MCTP1: variants seen among roughly 807,000 people sequenced by gnomAD.
MCTP1 encodes the protein multiple C2 and transmembrane domain-containing protein 1.
In MCTP1, 69 loss-of-function variants were observed where a neutral mutation model predicts 120.6. That is an observed-to-expected ratio of 0.57 (90% CI 0.47 to 0.70). MCTP1 has a LOEUF of 0.70. Among genes scored for constraint, MCTP1 ranks in the 30% least tolerant of loss-of-function variants. The probability of loss-of-function intolerance (pLI) is 0.00; values close to 1 mark genes in which losing one functional copy is unlikely to be tolerated. For missense variants in MCTP1, 1,203 were observed against 1,248.8 expected (o/e 0.96, Z 0.55); for synonymous variants, 529 against 493.1 (o/e 1.07, Z -0.96).
intron 1 of MCTP1, among the ~76,000 whole-genome samples, chr5:95,140,194 T>A (rs1481561247): frequency 6.6e-6 from 1 of 152,174 alleles, no homozygotes; most frequent in African/African-American, 2.4e-5. Context: ...TTCAAAAAAA[T>A]TTATATTTGC....
At chr5:94,899,214 T>A (rs1036420296) in intron 10 of MCTP1, among the ~76,000 whole-genome samples, 1 of 152,260 alleles carries the variant, frequency 6.6e-6, no homozygotes, top group African/African-American at 2.4e-5. Flanking sequence ...TTTATACTGA[T>A]GGTTCTATAT....
chr5:95,073,221 A>C, intron 1 of MCTP1, among the ~76,000 whole-genome samples: 1 of 152,110 alleles, frequency 6.6e-6, no homozygotes, highest in Non-Finnish European at 1.5e-5. Flanking sequence ...AGTCTTGGGC[A>C]TAGGAGAGAC....
rs1051859839 is a variant in MCTP1 at position 94,707,237 on chromosome 5, T to C, written c.*259A>G. The C allele has an allele frequency of 5.8e-6, 2 of 342,488 alleles. No individual in the cohort carries two copies. 21.2% of individuals were successfully genotyped at this position (342,488 alleles called of 1,614,324 possible). On this transcript the variant is annotated 3_prime_UTR_variant, in exon 23 of 23. Transcript: ENST00000515393. The stretch of plus-strand genomic sequence containing the variant: ...CCAGTGTTATCATTCTTATATTTGT[T>C]CTTTCAGTGTGTTATATTATTATCC...
intron 18 of MCTP1, among the ~76,000 whole-genome samples, chr5:94,791,539 A>G (rs1216874579): frequency 5.3e-5 from 8 of 151,506 alleles, no homozygotes; most frequent in Admixed American, 3.3e-4. Context: ...AAAATTGTAT[A>G]GAAATTAAAA....
At chr5:95,133,138 G>A (rs767154576) in intron 1 of MCTP1, among the ~76,000 whole-genome samples, 6 of 152,100 alleles carry the variant, frequency 3.9e-5, no homozygotes, top group Non-Finnish European at 8.8e-5. Context: ...TTTTATGGGA[G>A]ACAATATAAA....
intron 1 of MCTP1, among the ~76,000 whole-genome samples, chr5:95,143,861 A>T (rs750008361): frequency 3.9e-5 from 6 of 152,204 alleles, no homozygotes; most frequent in African/African-American, 7.2e-5. Context: ...CACAGTGATG[A>T]ACATAGAAGT....
chr5:94,917,070 C>T (rs564324535), intron 8 of MCTP1, among the ~76,000 whole-genome samples: 1 of 152,240 alleles, frequency 6.6e-6, no homozygotes, highest in African/African-American at 2.4e-5. Context: ...AGAAGTAGGA[C>T]CCTACTGAAT....
At chr5:95,246,418 G>A (rs143313084) in intron 1 of MCTP1, among the ~76,000 whole-genome samples, 286 of 152,066 alleles carry the variant, frequency 1.9e-3, no homozygotes, top group Non-Finnish European at 2.6e-3. Context: ...CATCTCACAT[G>A]CAAAGGCACA....
rs528449133 is a variant in MCTP1, at chr5:95,242,120, T to C, written c.720+41736A>G. Among the ~76,000 whole-genome samples, 29 of 152,208 alleles carry C rather than the reference T, an allele frequency of 1.9e-4. No individual in the cohort carries two copies. In the East Asian group the frequency reaches 5.6e-3, roughly 29 times the overall value. ...CCTTATTCATTTAAAACTAACAACCTTGTAGCTATTTTTAACTAAGAAATG... is the reference window on the plus strand; with the variant it reads ...CCTTATTCATTTAAAACTAACAACCCTGTAGCTATTTTTAACTAAGAAATG... On this transcript the variant is annotated intron_variant, in intron 1 of 22. Transcript: ENST00000515393.
At chr5:94,884,683 C>T (rs184255782) in intron 12 of MCTP1, among the ~76,000 whole-genome samples, 49 of 152,158 alleles carry the variant, frequency 3.2e-4, no homozygotes, top group Admixed American at 6.5e-4. Context: ...TAATTAAAGC[C>T]CACAGACAGC....
chr5:95,016,829 A>T (rs909764345), intron 2 of MCTP1, among the ~76,000 whole-genome samples: 4 of 152,044 alleles, frequency 2.6e-5, no homozygotes, highest in African/African-American at 7.2e-5. Context: ...CGGGAACTTA[A>T]GAGTATTTGC....
chr5:94,840,565 C>T (rs1370198472), intron 17 of MCTP1, among the ~76,000 whole-genome samples: 1 of 152,108 alleles, frequency 6.6e-6, no homozygotes, highest in Non-Finnish European at 1.5e-5. Flanking sequence ...TTTCATATAA[C>T]ACCATTTTTT....
At chr5:95,231,854 A>C (rs1240590099) in intron 1 of MCTP1, among the ~76,000 whole-genome samples, 1 of 152,196 alleles carries the variant, frequency 6.6e-6, no homozygotes, top group Non-Finnish European at 1.5e-5. Flanking sequence ...TACTATTGTA[A>C]GGTTCTTATA....
chr5:95,034,551 C>T (rs1840899906), intron 1 of MCTP1, among the ~76,000 whole-genome samples: 1 of 151,848 alleles, frequency 6.6e-6, no homozygotes, highest in South Asian at 2.1e-4. Context: ...ACCCTTATCT[C>T]TCATCATATA....
At chr5:94,722,384 G>A (rs548130807) in intron 19 of MCTP1, among the ~76,000 whole-genome samples, 3 of 152,110 alleles carry the variant, frequency 2.0e-5, no homozygotes, top group Non-Finnish European at 2.9e-5. Context: ...TGCCATAGTG[G>A]TCATTGTCAA....
chr5:95,054,675 G>T (rs970404762), intron 1 of MCTP1, among the ~76,000 whole-genome samples: 3 of 152,158 alleles, frequency 2.0e-5, no homozygotes, highest in African/African-American at 4.8e-5. Flanking sequence ...ATGTGAAAAA[G>T]ACCATAATGG....
Position 94,940,071 on chromosome 5 carries a change from T to TG in MCTP1, c.1173+12dup. 6.8e-7 allele frequency: 1 copy of TG among 1,475,160 alleles called. No homozygotes were observed. 91.4% of individuals were successfully genotyped at this position (1,475,160 alleles called of 1,614,324 possible). A position where few individuals can be genotyped will look rare whatever the true frequency, so the allele number is the denominator to read the frequency against. On this transcript the variant is annotated intron_variant, in intron 5 of 22. Transcript: ENST00000515393. ...ACAAGAAAGAGCTCCTACTAGGCTG[T>TG]GGGGGAACTTACCACATCCCTGGAC...
At chr5:95,210,467 G>A (rs1582540906) in intron 1 of MCTP1, among the ~76,000 whole-genome samples, 1 of 150,284 alleles carries the variant, frequency 6.7e-6, no homozygotes, top group East Asian at 1.9e-4. Context: ...TTGGTTTAAA[G>A]TCTGTTTTAT....
chr5:94,909,191 C>G, intron 10 of MCTP1, 60 bp downstream of exon 10: 3 of 1,559,402 alleles, frequency 1.9e-6, no homozygotes, highest in Non-Finnish European at 2.6e-6. Flanking sequence ...AGGCTTACAG[C>G]AAATATTCTT....
Sources: allele counts gnomAD v4.1 joint callset (sites outside exome capture counted in the v4.1 genomes callset), GRCh38; gene constraint gnomAD v4.1.1; transcripts MANE v1.5; gene names NCBI Gene and HGNC (gene_info 2026-07-23, HGNC 2026-07-21).